ADAMTS6: variants seen among roughly 807,000 people sequenced by gnomAD.
The protein encoded by ADAMTS6 is A disintegrin and metalloproteinase with thrombospondin motifs 6.
A neutral mutation model predicts 144.3 loss-of-function variants in ADAMTS6; 23 were observed. The observed-to-expected ratio is 0.16, with a 90% CI of 0.11 to 0.23. The LOEUF (loss-of-function observed/expected upper bound fraction) is 0.23, where lower values mean the gene tolerates loss of function less well. Ranked by LOEUF, ADAMTS6 falls within the 10% of genes least tolerant of loss-of-function variation. The pLI, the probability that ADAMTS6 is intolerant of heterozygous loss-of-function variation, is 1.00. For synonymous variants in ADAMTS6, 444 were observed against 457.5 expected (o/e 0.97, Z 0.38); for missense variants, 999 against 1,379.6 (o/e 0.72, Z 4.37).
chr5:65,399,884 G>A (rs1753772726), intron 7 of ADAMTS6, among the ~76,000 whole-genome samples: 1 of 151,970 alleles, frequency 6.6e-6, no homozygotes, highest in Non-Finnish European at 1.5e-5. Flanking sequence ...ATAGATCCAA[G>A]TTTCTCATCT....
At chr5:65,238,852 T>G in intron 15 of ADAMTS6, among the ~76,000 whole-genome samples, 1 of 152,206 alleles carries the variant, frequency 6.6e-6, no homozygotes, top group Non-Finnish European at 1.5e-5. Flanking sequence ...GGTTTAATAC[T>G]CAGTTTTTCC....
chr5:65,275,437 GAAAA>G (rs1219797102), intron 11 of ADAMTS6, among the ~76,000 whole-genome samples: 2 of 148,456 alleles, frequency 1.3e-5, no homozygotes, highest in East Asian at 2.0e-4. Context: ...AGAAAGAAAA[GAAAA>G]AAGAAAGAGA....
rs139312895 is a variant in ADAMTS6, at chr5:65,325,423, G to C, written c.1223+3955C>G. Among the ~76,000 whole-genome samples, 1,331 of 151,596 alleles carry C rather than the reference G, an allele frequency of 8.8e-3. 14 individuals carry two copies. The highest frequency in any genetic ancestry group is 0.015 in the Non-Finnish European group (1,038 of 67,932). On this transcript the variant is annotated intron_variant, in intron 9 of 24. Transcript: ENST00000381055. The stretch of plus-strand genomic sequence containing the variant: ...ACTAATCTACAGAGAGAATTCCTAC[G>C]GTTGAGACAAGATACTGATATTTAC...
intron 7 of ADAMTS6, among the ~76,000 whole-genome samples, chr5:65,384,759 T>G (rs1561487670): frequency 6.6e-6 from 1 of 152,304 alleles, no homozygotes; most frequent in East Asian, 1.9e-4. Context: ...GCTTCCACAT[T>G]TTTAGGTATT....
chr5:65,443,792 C>T (rs1423276235), intron 7 of ADAMTS6, among the ~76,000 whole-genome samples: 1 of 150,258 alleles, frequency 6.7e-6, no homozygotes, highest in Admixed American at 6.7e-5. Context: ...AAAAAAAACT[C>T]TCAGCAAACT....
chr5:65,472,891 C>T (rs906606953), intron 2 of ADAMTS6, among the ~76,000 whole-genome samples: 7 of 152,036 alleles, frequency 4.6e-5, no homozygotes, highest in Non-Finnish European at 7.4e-5. Context: ...TCTGGTTCAT[C>T]GGCACCAAAA....
At chr5:65,327,967 A>G (rs910388739) in intron 9 of ADAMTS6, among the ~76,000 whole-genome samples, 2 of 152,154 alleles carry the variant, frequency 1.3e-5, no homozygotes, top group African/African-American at 4.8e-5. Flanking sequence ...ACAGTCATTA[A>G]TTAGCCAGAT....
At chr5:65,152,064 G>A in intron 24 of ADAMTS6, 119 bp from the exon 25 acceptor site, 1 of 737,798 alleles carries the variant, frequency 1.4e-6, no homozygotes, top group Non-Finnish European at 2.3e-6. Context: ...CCTTGGCTTC[G>A]ACCTCCATGT....
In ADAMTS6 at chr5:65,458,404, G is replaced by A. The variant is rs568322135; in HGVS notation, c.631+1766C>T. Among the ~76,000 whole-genome samples, 297 of 152,166 alleles carry A rather than the reference G, an allele frequency of 2.0e-3. 1 individual carries two copies. Among genetic ancestry groups the A allele is most frequent in the Non-Finnish European group, 3.1e-3 (211 of 67,960 alleles). Reference sequence around the variant, plus strand: ...ATACATATCATACACTAATTCACAAGGCAATCCTTTCTTTTTTTTGTTTTT... The same window carrying A: ...ATACATATCATACACTAATTCACAAAGCAATCCTTTCTTTTTTTTGTTTTT... On this transcript the variant is annotated intron_variant, in intron 4 of 24. Coordinates refer to ENST00000381055, the MANE Select transcript of ADAMTS6 (RefSeq NM_197941.4).
At chr5:65,285,723 G>T (rs1380643788) in intron 11 of ADAMTS6, among the ~76,000 whole-genome samples, 2 of 152,130 alleles carry the variant, frequency 1.3e-5, no homozygotes, top group Non-Finnish European at 2.9e-5. Flanking sequence ...ATGATAGGAA[G>T]TGTGTGTGTA....
chr5:65,227,740 G>A (rs1039363956), intron 15 of ADAMTS6, among the ~76,000 whole-genome samples: 3 of 152,150 alleles, frequency 2.0e-5, no homozygotes, highest in Non-Finnish European at 4.4e-5. Context: ...CAAGAAGATA[G>A]TCCAATATTG....
At chr5:65,319,739 G>GGGAAGGAAGGGAGGGAGGGAAGGAAGGAA (rs1561418706) in intron 9 of ADAMTS6, among the ~76,000 whole-genome samples, 4 of 65,590 alleles carry the variant, frequency 6.1e-5, no homozygotes, top group Non-Finnish European at 1.1e-4. Context: ...GAGGGAGGGA[G>GGGAAGGAAGGGAGGGAGGGAAGGAAGGAA]GGAAGGAAGG....
chr5:65,252,619 G>C (rs531482019), intron 14 of ADAMTS6, among the ~76,000 whole-genome samples: 1 of 150,310 alleles, frequency 6.7e-6, no homozygotes, highest in South Asian at 2.1e-4. Flanking sequence ...ATATTTTTTA[G>C]TTTTGATTTT....
intron 7 of ADAMTS6, chr5:65,415,549 T>G (rs1755436494): frequency 2.8e-6 from 1 of 356,530 alleles, no homozygotes; most frequent in Non-Finnish European, 5.6e-6. Context: ...CTGGGCCAGC[T>G]AGTCAAGGAC....
chr5:65,325,534 G>T lies in ADAMTS6; in HGVS notation c.1223+3844C>A, dbSNP rs536963986. 6.5e-4 allele frequency among the ~76,000 whole-genome samples: 97 copies of T among 148,780 alleles called. 1 individual carries two copies. The highest frequency in any genetic ancestry group is 1.1e-3 in the Non-Finnish European group (77 of 67,586). The stretch of plus-strand genomic sequence containing the variant: ...AGACAGGGTCTTGGCCTGTCACCCA[G>T]AATGGAGTGCGGTGGCATGATCACG... On this transcript the variant is annotated intron_variant, in intron 9 of 24. Coordinates refer to ENST00000381055, the MANE Select transcript of ADAMTS6 (RefSeq NM_197941.4).
rs898430285 is a variant in ADAMTS6 at position 65,411,358 on chromosome 5, C to A, written c.1073+40117G>T. Among the ~76,000 whole-genome samples the A allele has an allele frequency of 5.9e-5, 9 of 152,146 alleles. No homozygotes were observed. The South Asian group carries it at 8.3e-4, about 14-fold the overall frequency. On this transcript the variant is annotated intron_variant, in intron 7 of 24. Coordinates refer to ENST00000381055, the MANE Select transcript of ADAMTS6 (RefSeq NM_197941.4). ...GTTCTATTTTTTATTATTTGAGGAA[C>A]CTTCATACTGTTTTCCATAGTGCCT... is the stretch of plus-strand genomic sequence containing the variant.
At chr5:65,351,477 C>G (rs1180654570) in intron 7 of ADAMTS6, among the ~76,000 whole-genome samples, 1 of 152,196 alleles carries the variant, frequency 6.6e-6, no homozygotes, top group East Asian at 1.9e-4. Flanking sequence ...TATGTTATAA[C>G]TCTTTGGGTT....
chr5:65,464,505 C>A (rs1759854743), intron 3 of ADAMTS6, among the ~76,000 whole-genome samples: 1 of 152,058 alleles, frequency 6.6e-6, no homozygotes, highest in South Asian at 2.1e-4. Flanking sequence ...TGGTTTGTTA[C>A]CTATATTTAA....
At chr5:65,328,729 T>A (rs1731871768) in intron 9 of ADAMTS6, among the ~76,000 whole-genome samples, 3 of 151,664 alleles carry the variant, frequency 2.0e-5, no homozygotes, top group South Asian at 2.1e-4. Flanking sequence ...GCTTTCATAT[T>A]ACTACTGCCT....
Sources: gnomAD v4.1 joint callset for allele counts (sites outside exome capture counted in the v4.1 genomes callset) on GRCh38, gnomAD v4.1.1 for gene constraint, MANE v1.5 for transcripts, NCBI Gene and HGNC (gene_info 2026-07-23, HGNC 2026-07-21) for gene names.